ZBTB7C: variants seen among roughly 807,000 people sequenced by gnomAD.
ZBTB7C encodes the protein zinc finger and BTB domain-containing protein 7C.
In ZBTB7C, 8 loss-of-function variants were observed where a neutral mutation model predicts 25.7. The observed-to-expected ratio is 0.31, with a 90% CI of 0.18 to 0.56. The LOEUF is 0.56. Among genes scored for constraint, ZBTB7C ranks in the 20% least tolerant of loss-of-function variants. The pLI is 0.91. For synonymous variants in ZBTB7C, 394 were observed against 369.0 expected (o/e 1.07, Z -0.78); for missense variants, 824 against 855.2 (o/e 0.96, Z 0.46).
intron 3 of ZBTB7C, among the ~76,000 whole-genome samples, chr18:48,045,570 G>A (rs1380682545): frequency 6.6e-6 from 1 of 152,156 alleles, no homozygotes; most frequent in African/African-American, 2.4e-5. Context: ...CAGCTGCCAT[G>A]CCTTTGTTCA....
intron 3 of ZBTB7C, among the ~76,000 whole-genome samples, chr18:48,096,569 G>A (rs1200440947): frequency 6.6e-6 from 1 of 152,154 alleles, no homozygotes. Context: ...GCTGGATATC[G>A]AACTAATGTG....
In ZBTB7C at chr18:48,029,602, CA is replaced by C; in HGVS notation, c.1517del (p.Val506GlyfsTer37). On this transcript the variant is annotated frameshift_variant, in exon 5 of 5. Transcript: ENST00000590800. LOFTEE classifies it low-confidence loss of function (END_TRUNC). ...GGPAPDKAAF[V>X]MPPALGEVGG... is the part of the protein sequence containing the mutation. ...CCACCTCGCCCAGCGCAGGGGGCAT[CA>C]CGAAGGCCGCCTTGTCGGGGGCCGG... The C allele has an allele frequency of 6.7e-7, 1 of 1,487,648 alleles. No individual in the cohort carries two copies. Among genetic ancestry groups the C allele is most frequent in the Non-Finnish European group, 8.8e-7 (1 of 1,130,134 alleles). 92.2% of individuals were successfully genotyped at this position (1,487,648 alleles called of 1,614,324 possible).
intron 2 of ZBTB7C, among the ~76,000 whole-genome samples, chr18:48,226,794 G>A (rs1262742695): frequency 6.6e-6 from 1 of 152,176 alleles, no homozygotes; most frequent in Non-Finnish European, 1.5e-5. Context: ...GCCAAGGCAG[G>A]CAGATCATGA....
intron 1 of ZBTB7C, among the ~76,000 whole-genome samples, chr18:48,365,293 G>A (rs551998547): frequency 8.5e-5 from 13 of 152,292 alleles, no homozygotes; most frequent in African/African-American, 3.1e-4. Context: ...TATATACACT[G>A]GCAATTTTGA....
chr18:48,095,418 T>C (rs550619382), intron 3 of ZBTB7C, among the ~76,000 whole-genome samples: 2 of 152,258 alleles, frequency 1.3e-5, no homozygotes, highest in African/African-American at 4.8e-5. Context: ...TAAATGATTA[T>C]TGGGCCGAGC....
chr18:48,195,771 T>A (rs1301623954), intron 2 of ZBTB7C, among the ~76,000 whole-genome samples: 4 of 152,206 alleles, frequency 2.6e-5, no homozygotes, highest in African/African-American at 9.7e-5. Context: ...CACCCACACC[T>A]AACTCAACAG....
intron 3 of ZBTB7C, among the ~76,000 whole-genome samples, chr18:48,153,884 T>C (rs901802537): frequency 2.6e-5 from 4 of 152,160 alleles, no homozygotes; most frequent in African/African-American, 9.7e-5. Flanking sequence ...CCTCTCAGGG[T>C]TTTGAACTTG....
intron 3 of ZBTB7C, among the ~76,000 whole-genome samples, chr18:48,086,276 G>A (rs1278902935): frequency 6.6e-6 from 1 of 152,118 alleles, no homozygotes; most frequent in East Asian, 1.9e-4. Flanking sequence ...AACCTCATAA[G>A]GTAGATACTA....
At chr18:48,246,395 A>T (rs2043694437) in intron 2 of ZBTB7C, among the ~76,000 whole-genome samples, 2 of 152,040 alleles carry the variant, frequency 1.3e-5, no homozygotes, top group South Asian at 4.2e-4. Flanking sequence ...ACACCACTGC[A>T]CTCCAGCCTG....
intron 3 of ZBTB7C, among the ~76,000 whole-genome samples, chr18:48,096,732 T>C (rs2038647867): frequency 6.6e-6 from 1 of 152,190 alleles, no homozygotes; most frequent in Non-Finnish European, 1.5e-5. Flanking sequence ...CATTGTCCCA[T>C]CTTGTGTGGA....
At chr18:48,194,839 G>A (rs1014035481) in intron 2 of ZBTB7C, among the ~76,000 whole-genome samples, 21 of 150,894 alleles carry the variant, frequency 1.4e-4, no homozygotes, top group Admixed American at 1.1e-3. Context: ...AGTGGGTGCT[G>A]GAGTGCAGCA....
At chr18:48,177,401 C>T (rs1168857166) in intron 3 of ZBTB7C, among the ~76,000 whole-genome samples, 1 of 152,234 alleles carries the variant, frequency 6.6e-6, no homozygotes, top group Non-Finnish European at 1.5e-5. Flanking sequence ...TCCCCTCCTT[C>T]AGCTCCTTCT....
chr18:48,213,613 T>C (rs183923624), intron 2 of ZBTB7C, among the ~76,000 whole-genome samples: 4 of 152,274 alleles, frequency 2.6e-5, no homozygotes, highest in Admixed American at 2.6e-4. Flanking sequence ...CTAGATCAAA[T>C]CTGAAAAGAA....
At chr18:48,328,312 AC>A (rs1369371674) in intron 2 of ZBTB7C, among the ~76,000 whole-genome samples, 1 of 152,160 alleles carries the variant, frequency 6.6e-6, no homozygotes, top group Non-Finnish European at 1.5e-5. Flanking sequence ...ATAGACAGTG[AC>A]ACGGATGTGG....
intron 3 of ZBTB7C, among the ~76,000 whole-genome samples, chr18:48,077,859 C>T (rs931462407): frequency 7.2e-5 from 11 of 152,146 alleles, no homozygotes; most frequent in African/African-American, 2.7e-4. Context: ...AGGAGACCCA[C>T]CAAGAGCCTC....
At chr18:48,253,282 A>G (rs924591599) in intron 2 of ZBTB7C, among the ~76,000 whole-genome samples, 2 of 152,228 alleles carry the variant, frequency 1.3e-5, no homozygotes, top group African/African-American at 4.8e-5. Context: ...AATACCTTTA[A>G]AAATACTTAA....
chr18:48,202,699 C>T (rs1322411681), intron 2 of ZBTB7C, among the ~76,000 whole-genome samples: 1 of 151,996 alleles, frequency 6.6e-6, no homozygotes, highest in East Asian at 1.9e-4. Context: ...CCGCCGCACG[C>T]AGGCCATGGG....
rs146371311 is a variant in ZBTB7C at position 48,318,544 on chromosome 18, C to T, written c.-79+19630G>A. ...CCTCACACTAGGAGGGTCGCATCTG[C>T]GGCCCACGTCCTCCCTCTGGTCCAG... On this transcript the variant is annotated intron_variant, in intron 2 of 4. Coordinates refer to ENST00000590800, the MANE Select transcript of ZBTB7C (RefSeq NM_001318841.2). Among the ~76,000 whole-genome samples, 79 of 152,326 alleles carry T rather than the reference C, an allele frequency of 5.2e-4. 1 individual carries two copies. The highest frequency in any genetic ancestry group is 5.2e-3 in the South Asian group (25 of 4,828).
chr18:48,139,007 T>G (rs116172917), intron 3 of ZBTB7C, among the ~76,000 whole-genome samples: 3,129 of 151,788 alleles, frequency 0.021, 114 homozygotes, highest in African/African-American at 0.072. Flanking sequence ...GACTGGAGAG[T>G]GGGGCAAGGT....
Sources: gnomAD v4.1 joint callset for allele counts (sites outside exome capture counted in the v4.1 genomes callset) on GRCh38, gnomAD v4.1.1 for gene constraint, MANE v1.5 for transcripts, NCBI Gene and HGNC (gene_info 2026-07-23, HGNC 2026-07-21) for gene names.